MIS18A: variants seen among roughly 807,000 people sequenced by gnomAD.
The protein encoded by MIS18A is MIS18 kinetochore protein A.
Under a neutral mutation model 25.0 loss-of-function variants are expected in MIS18A, and 14 were observed. The observed-to-expected ratio is 0.56, with a 90% CI of 0.37 to 0.88. The LOEUF (loss-of-function observed/expected upper bound fraction) is 0.88, where lower values mean the gene tolerates loss of function less well. Among genes scored for constraint, MIS18A ranks in the 40% least tolerant of loss-of-function variants. MIS18A has a pLI of 0.00. For missense variants in MIS18A, 292 were observed against 290.8 expected (o/e 1.00, Z -0.03); for synonymous variants, 134 against 118.6 (o/e 1.13, Z -0.84).
chr21:32,249,246 T>C, the MIS18A span, among the ~76,000 whole-genome samples: 15,178 of 152,158 alleles, frequency 0.1, 845 homozygotes, highest in East Asian at 0.16. Flanking sequence ...TCTCTGACAT[T>C]TTACAGACTA....
At chr21:32,242,155 C>T in the MIS18A span, among the ~76,000 whole-genome samples, 1 of 152,250 alleles carries the variant, frequency 6.6e-6, no homozygotes, top group South Asian at 2.1e-4. Flanking sequence ...GCTGGGATTA[C>T]AGGCGCGAGC....
chr21:32,193,246 C>CT, the MIS18A span, among the ~76,000 whole-genome samples: 1 of 152,122 alleles, frequency 6.6e-6, no homozygotes, highest in Non-Finnish European at 1.5e-5. Flanking sequence ...CAGTCCTGTC[C>CT]TTAACTGCAA....
At chr21:32,183,119 T>G in the MIS18A span, among the ~76,000 whole-genome samples, 2 of 152,196 alleles carry the variant, frequency 1.3e-5, no homozygotes, top group Non-Finnish European at 2.9e-5. Context: ...TTAGTATCTA[T>G]TCCCCTGCCC....
the MIS18A span, among the ~76,000 whole-genome samples, chr21:32,171,309 C>T: frequency 7.9e-5 from 12 of 152,016 alleles, no homozygotes; most frequent in African/African-American, 2.9e-4. Context: ...AGATAGTCTA[C>T]AAGATCAATA....
the MIS18A span, among the ~76,000 whole-genome samples, chr21:32,226,431 GAGTT>G: frequency 2.6e-5 from 4 of 151,992 alleles, no homozygotes; most frequent in African/African-American, 4.8e-5. Flanking sequence ...ATACAAAAGA[GAGTT>G]AGAGTGGCTA....
At chr21:32,172,431 T>A in the MIS18A span, among the ~76,000 whole-genome samples, 2 of 152,090 alleles carry the variant, frequency 1.3e-5, no homozygotes, top group Non-Finnish European at 2.9e-5. Flanking sequence ...AAACTGTGAA[T>A]AATATTCCAT....
the MIS18A span, among the ~76,000 whole-genome samples, chr21:32,261,919 A>C: frequency 6.6e-6 from 1 of 152,246 alleles, no homozygotes; most frequent in African/African-American, 2.4e-5. Context: ...GTTCTACAGA[A>C]GAAAAAGAGA....
the MIS18A span, among the ~76,000 whole-genome samples, chr21:32,161,028 G>A: frequency 2.4e-3 from 365 of 152,280 alleles, 6 homozygotes; most frequent in Non-Finnish European, 7.3e-4. Context: ...AATAGAAGAG[G>A]AGGCAGGTTT....
At chr21:32,184,791 C>G in the MIS18A span, among the ~76,000 whole-genome samples, 2 of 152,136 alleles carry the variant, frequency 1.3e-5, no homozygotes, top group East Asian at 3.9e-4. Context: ...GCACTGAGTC[C>G]TCTGGGCACA....
rs117500879 is a variant in MIS18A at position 32,271,987 on chromosome 21, C to T, written c.402-1458G>A. On this transcript the variant is annotated intron_variant, in intron 2 of 4. Transcript: ENST00000290130. ...AGCCATGAATAAGACTGTTTTATCC[C>T]GAGTTATCAAAATCAACCTAAACAC... 1.1e-4 allele frequency among the ~76,000 whole-genome samples: 16 copies of T among 152,232 alleles called. No homozygotes were observed. In the East Asian group the frequency reaches 1.9e-3, roughly 18 times the overall value.
the MIS18A span, among the ~76,000 whole-genome samples, chr21:32,160,218 G>T: frequency 6.6e-6 from 1 of 151,618 alleles, no homozygotes; most frequent in Non-Finnish European, 1.5e-5. Context: ...TGAGTCCCCA[G>T]ACCCCTCAGA....
intron 1 of MIS18A, chr21:32,278,437 A>C (rs2031859291): frequency 1.9e-6 from 1 of 532,722 alleles, no homozygotes; most frequent in Non-Finnish European, 3.3e-6. Flanking sequence ...GCTCACGATG[A>C]TGCTGATTCA....
the MIS18A span, among the ~76,000 whole-genome samples, chr21:32,257,033 A>C: frequency 2.0e-5 from 3 of 152,210 alleles, no homozygotes; most frequent in Admixed American, 6.5e-5. Context: ...GGAGAGAAAC[A>C]CAGCAGTTGT....
the MIS18A span, among the ~76,000 whole-genome samples, chr21:32,188,792 T>C: frequency 1.7e-3 from 260 of 152,102 alleles, no homozygotes; most frequent in African/African-American, 6.1e-3. Context: ...TGATCAGAGA[T>C]GGGGTGTCCA....
At chr21:32,202,186 G>A in the MIS18A span, among the ~76,000 whole-genome samples, 1 of 152,268 alleles carries the variant, frequency 6.6e-6, no homozygotes, top group East Asian at 1.9e-4. Context: ...CTACTTGGGA[G>A]GCTGAGGTGG....
chr21:32,274,083 G>A (rs2031762573), intron 2 of MIS18A, among the ~76,000 whole-genome samples: 1 of 151,854 alleles, frequency 6.6e-6, no homozygotes, highest in African/African-American at 2.4e-5. Flanking sequence ...CCAATAGGCT[G>A]TGTGTGTGAC....
chr21:32,211,261 G>C, the MIS18A span, among the ~76,000 whole-genome samples: 1 of 152,256 alleles, frequency 6.6e-6, no homozygotes, highest in Admixed American at 6.5e-5. Flanking sequence ...GGCTGGTCTC[G>C]AACTCCTGAC....
the MIS18A span, among the ~76,000 whole-genome samples, chr21:32,234,087 T>A: frequency 6.6e-6 from 1 of 152,196 alleles, no homozygotes; most frequent in Non-Finnish European, 1.5e-5. Flanking sequence ...GTAATAACAA[T>A]GTGTCAACAT....
the MIS18A span, among the ~76,000 whole-genome samples, chr21:32,167,557 C>T: frequency 6.6e-6 from 1 of 152,116 alleles, no homozygotes; most frequent in South Asian, 2.1e-4. Context: ...GATAGGTCAG[C>T]AGAAAATATC....
Sources: allele counts gnomAD v4.1 joint callset (sites outside exome capture counted in the v4.1 genomes callset), GRCh38; gene constraint gnomAD v4.1.1; transcripts MANE v1.5; gene names NCBI Gene and HGNC (gene_info 2026-07-23, HGNC 2026-07-21).